Variants in DIAPH2 observed in about 807,000 individuals in gnomAD.
DIAPH2 encodes diaphanous related formin 2.
Under a neutral mutation model 92.7 loss-of-function variants are expected in DIAPH2, and 35 were observed. The observed-to-expected ratio is 0.38, with a 90% CI of 0.29 to 0.50. The LOEUF (loss-of-function observed/expected upper bound fraction) is 0.50, where lower values mean the gene tolerates loss of function less well. DIAPH2 is among the 20% of genes least tolerant of loss of function. DIAPH2 has a pLI of 0.94. For synonymous variants in DIAPH2, 301 were observed against 280.4 expected (o/e 1.07, Z -0.73); for missense variants, 701 against 819.5 (o/e 0.86, Z 1.77).
chrX:97,311,015 TA>T (rs746382243), intron 23 of DIAPH2, among the ~76,000 whole-genome samples: 2 of 108,783 alleles, frequency 1.8e-5, no homozygotes, highest in African/African-American at 6.7e-5. Flanking sequence ...TCTCAAAAAA[TA>T]AAAAAAAGAA....
chrX:97,132,316 G>T (rs1296006306), intron 21 of DIAPH2, among the ~76,000 whole-genome samples: 1 of 111,517 alleles, frequency 9.0e-6, no homozygotes, highest in East Asian at 2.8e-4. Context: ...AATTACATTT[G>T]GCTGAATTAG....
intron 4 of DIAPH2, among the ~76,000 whole-genome samples, chrX:96,868,740 A>C (rs1335895505): frequency 9.0e-6 from 1 of 111,599 alleles, no homozygotes; most frequent in Non-Finnish European, 1.9e-5. Context: ...CTGTACTCTC[A>C]GTGCCTGGAA....
chrX:97,543,879 GTC>G (rs1159649239), intron 26 of DIAPH2, among the ~76,000 whole-genome samples: 3 of 111,391 alleles, frequency 2.7e-5, no homozygotes, highest in Admixed American at 9.6e-5. Context: ...TTTTTAAAAT[GTC>G]TCTACATATT....
At chrX:97,397,519 G>A (rs190735537) in intron 25 of DIAPH2, among the ~76,000 whole-genome samples, 119 of 111,953 alleles carry the variant, frequency 1.1e-3, no homozygotes, top group African/African-American at 3.6e-3. Flanking sequence ...CTCAGGCATA[G>A]CCCTGCTGAG....
chrX:97,059,576 A>C (rs1333556612), intron 17 of DIAPH2, among the ~76,000 whole-genome samples: 2 of 112,503 alleles, frequency 1.8e-5, no homozygotes, highest in African/African-American at 3.2e-5. Context: ...AAAGTCTTAC[A>C]GGTAACATAA....
chrX:97,454,803 C>T, intron 26 of DIAPH2, among the ~76,000 whole-genome samples: 1 of 107,067 alleles, frequency 9.3e-6, no homozygotes, highest in Non-Finnish European at 1.9e-5. Flanking sequence ...TGCAGTGAGC[C>T]AAGATTGCAC....
chrX:97,545,521 T>TG (rs1289241070), intron 26 of DIAPH2, among the ~76,000 whole-genome samples: 8 of 10,680 alleles, frequency 7.5e-4, no homozygotes, highest in African/African-American at 1.2e-3. Flanking sequence ...TTAAGTTTGA[T>TG]GAAAAAAAAA....
At position 97,440,738 on chromosome X, in the gene DIAPH2, C is replaced by G. The variant is rs1055821315; in HGVS notation, c.3241+10993C>G. Among the ~76,000 whole-genome samples the G allele has an allele frequency of 2.7e-5, 3 of 109,802 alleles. No homozygotes were observed. The Admixed American group carries it at 2.9e-4, about 11-fold the overall frequency. On this transcript the variant is annotated intron_variant, in intron 26 of 26. Transcript: ENST00000324765. ...AAGAGCTTAATAACATCAAATATAGCAGAGATTACATGGACATAGAGTGTG... is the reference window on the plus strand; with the variant it reads ...AAGAGCTTAATAACATCAAATATAGGAGAGATTACATGGACATAGAGTGTG...
chrX:96,785,097 G>A (rs1286484885), intron 4 of DIAPH2, among the ~76,000 whole-genome samples: 1 of 111,860 alleles, frequency 8.9e-6, no homozygotes, highest in Non-Finnish European at 1.9e-5. Flanking sequence ...GTTGTTAGGA[G>A]GGGAGTTAAA....
chrX:96,997,352 G>A (rs1424101759), intron 17 of DIAPH2, among the ~76,000 whole-genome samples: 4 of 111,559 alleles, frequency 3.6e-5, no homozygotes, highest in Non-Finnish European at 7.5e-5. Flanking sequence ...AGTTGTATAA[G>A]TATGGTGAAA....
At chrX:97,218,434 A>T (rs2067900537) in intron 22 of DIAPH2, among the ~76,000 whole-genome samples, 1 of 111,957 alleles carries the variant, frequency 8.9e-6, no homozygotes, top group South Asian at 3.8e-4. Context: ...TGGTTTTGGA[A>T]AGTAACACTA....
At chrX:96,902,573 C>G (rs1285967352) in intron 5 of DIAPH2, among the ~76,000 whole-genome samples, 1 of 111,092 alleles carries the variant, frequency 9.0e-6, no homozygotes, top group Non-Finnish European at 1.9e-5. Flanking sequence ...GAGGTAATTC[C>G]TGCGTTAATT....
At chrX:97,387,185 A>G (rs141064294) in intron 25 of DIAPH2, among the ~76,000 whole-genome samples, 142 of 111,587 alleles carry the variant, frequency 1.3e-3, no homozygotes, top group Non-Finnish European at 2.0e-3. Context: ...AAGCAGAAAG[A>G]ATGTATTAGA....
intron 25 of DIAPH2, among the ~76,000 whole-genome samples, chrX:97,419,056 C>T (rs2069979406): frequency 9.2e-6 from 1 of 109,206 alleles, no homozygotes; most frequent in African/African-American, 3.3e-5. Flanking sequence ...ACCTCAAAAG[C>T]AGATTGTGAG....
chrX:97,239,632 T>G (rs1325507768), intron 22 of DIAPH2, among the ~76,000 whole-genome samples: 1 of 111,571 alleles, frequency 9.0e-6, no homozygotes, highest in Non-Finnish European at 1.9e-5. Context: ...AAAATGCCTG[T>G]AGTGGGAATT....
chrX:96,949,657 C>G (rs1304529560), intron 15 of DIAPH2, among the ~76,000 whole-genome samples: 3 of 84,757 alleles, frequency 3.5e-5, no homozygotes, highest in African/African-American at 1.4e-4. Flanking sequence ...TCCTGACTAA[C>G]AGTGTGAAAC....
At chrX:97,205,282 A>G (rs956599595) in intron 22 of DIAPH2, among the ~76,000 whole-genome samples, 3 of 112,281 alleles carry the variant, frequency 2.7e-5, no homozygotes, top group Admixed American at 9.5e-5. Context: ...CTTCCTGACT[A>G]AACTGCCAAA....
intron 23 of DIAPH2, among the ~76,000 whole-genome samples, chrX:97,298,629 T>A (rs568870801): frequency 1.8e-4 from 19 of 104,251 alleles, no homozygotes; most frequent in Non-Finnish European, 2.6e-4. Flanking sequence ...TTTTTTTTTT[T>A]ATTGAAACGG....
At chrX:97,024,700 C>T (rs1354271719) in intron 17 of DIAPH2, among the ~76,000 whole-genome samples, 1 of 112,126 alleles carries the variant, frequency 8.9e-6, no homozygotes, top group Non-Finnish European at 1.9e-5. Flanking sequence ...AGAAACAAAG[C>T]AACTAGCCAA....
Sources: gnomAD v4.1 joint callset for allele counts (sites outside exome capture counted in the v4.1 genomes callset) on GRCh38, gnomAD v4.1.1 for gene constraint, MANE v1.5 for transcripts, NCBI Gene and HGNC (gene_info 2026-07-23, HGNC 2026-07-21) for gene names.